TCF4: variants seen among roughly 807,000 people sequenced by gnomAD.
TCF4 encodes transcription factor 4.
In TCF4, 3 loss-of-function variants were observed where a neutral mutation model predicts 82.1. That is an observed-to-expected ratio of 0.04 (90% CI 0.02 to 0.09). TCF4 has a LOEUF of 0.09. Ranked by LOEUF, TCF4 falls within the 10% of genes least tolerant of loss-of-function variation. TCF4 has a pLI of 1.00. For synonymous variants in TCF4, 276 were observed against 309.6 expected, an observed-to-expected ratio of 0.89 and a Z score of 1.14; for missense variants, 518 against 852.7, an observed-to-expected ratio of 0.61 and a Z score of 4.89.
chr18:55,395,926 C>CT (rs759929051), intron 6 of TCF4, among the ~76,000 whole-genome samples: 2 of 151,966 alleles, frequency 1.3e-5, no homozygotes, highest in South Asian at 2.1e-4. Flanking sequence ...TTCATATAAT[C>CT]TTTTTTTCCC....
intron 3 of TCF4, among the ~76,000 whole-genome samples, chr18:55,522,208 T>C (rs2096938803): frequency 6.6e-6 from 1 of 152,206 alleles, no homozygotes; most frequent in Non-Finnish European, 1.5e-5. Flanking sequence ...GCGCCTCCTA[T>C]TGGTAGAGGC....
At chr18:55,367,517 T>C (rs1054829724) in intron 6 of TCF4, among the ~76,000 whole-genome samples, 4 of 152,224 alleles carry the variant, frequency 2.6e-5, no homozygotes, top group Admixed American at 6.5e-5. Flanking sequence ...CAATGCAATG[T>C]AGGAGTGCCT....
At chr18:55,478,507 G>A (rs1190003368) in intron 3 of TCF4, among the ~76,000 whole-genome samples, 1 of 152,108 alleles carries the variant, frequency 6.6e-6, no homozygotes, top group East Asian at 1.9e-4. Flanking sequence ...AAATTGTTCA[G>A]CTACTCAAAA....
In TCF4 at chr18:55,263,146, C is replaced by G. The variant is rs1787801; in HGVS notation, c.923-1613G>C. Among the ~76,000 whole-genome samples, 254 of 152,260 alleles carry G rather than the reference C, an allele frequency of 1.7e-3. 2 individuals are homozygous for G. Among genetic ancestry groups the G allele is most frequent in the African/African-American group, 5.9e-3 (244 of 41,550 alleles). On this transcript the variant is annotated intron_variant, in intron 11 of 19. Transcript: ENST00000354452. The stretch of plus-strand genomic sequence containing the variant: ...TACTTTATTTGGTTTACAAAACCCA[C>G]ACCCATATTTATTTGTTAATTGCTA...
intron 6 of TCF4, chr18:55,401,751 T>C: frequency 1.0e-6 from 1 of 985,954 alleles, no homozygotes; most frequent in Non-Finnish European, 1.2e-6. Flanking sequence ...AGGAAATCTT[T>C]GTGTCTGTGA....
At chr18:55,574,916 G>A (rs2097513765) in intron 3 of TCF4, among the ~76,000 whole-genome samples, 1 of 152,090 alleles carries the variant, frequency 6.6e-6, no homozygotes, top group South Asian at 2.1e-4. Context: ...CACTCACACT[G>A]AAAAAATAAT....
intron 3 of TCF4, among the ~76,000 whole-genome samples, chr18:55,512,215 A>C (rs2096836191): frequency 6.6e-6 from 1 of 152,198 alleles, no homozygotes. Context: ...TTGCAAATGC[A>C]GACAAGTGTT....
intron 3 of TCF4, among the ~76,000 whole-genome samples, chr18:55,474,314 T>C (rs2096246388): frequency 6.6e-6 from 1 of 152,140 alleles, no homozygotes; most frequent in Non-Finnish European, 1.5e-5. Context: ...TGTAAGAGAA[T>C]GAAAGTTTTA....
intron 5 of TCF4, among the ~76,000 whole-genome samples, chr18:55,438,719 G>A (rs1313486226): frequency 6.6e-6 from 1 of 152,174 alleles, no homozygotes; most frequent in African/African-American, 2.4e-5. Flanking sequence ...ACTGTGTACT[G>A]GATGAAAGTT....
chr18:55,510,784 T>C, intron 3 of TCF4: 5 of 1,243,400 alleles, frequency 4.0e-6, no homozygotes, highest in Non-Finnish European at 5.1e-6. Flanking sequence ...ACCGTAGATT[T>C]TAATTTATTT....
Position 55,421,373 on chromosome 18 carries a change from C to T in TCF4, c.305-17855G>A, listed in dbSNP as rs996991504. On this transcript the variant is annotated intron_variant, in intron 5 of 19. Transcript: ENST00000354452. ...GAAAAAAGATTTATTTTAAAATTTT[C>T]GTGAAATAACTGATGATTCTTTCTG... is the stretch of plus-strand genomic sequence containing the variant. Among the ~76,000 whole-genome samples, 12 of 152,174 alleles carry T rather than the reference C, an allele frequency of 7.9e-5. No individual in the cohort carries two copies. In the South Asian group the frequency reaches 8.3e-4, roughly 10 times the overall value.
chr18:55,351,707 C>T (rs1234234865), intron 6 of TCF4: 4 of 379,532 alleles, frequency 1.1e-5, no homozygotes, highest in Non-Finnish European at 1.4e-5. Context: ...TAACCTATCA[C>T]AGTGTGACAA....
chr18:55,353,757 C>T (rs908186363), intron 6 of TCF4, among the ~76,000 whole-genome samples: 4 of 151,934 alleles, frequency 2.6e-5, no homozygotes, highest in Non-Finnish European at 2.9e-5. Context: ...AAGTGAATGG[C>T]GTTTGATTTA....
At chr18:55,584,936 AT>A (rs928905599) in intron 3 of TCF4, among the ~76,000 whole-genome samples, 21 of 152,190 alleles carry the variant, frequency 1.4e-4, no homozygotes, top group Non-Finnish European at 2.1e-4. Context: ...AATGTTAGAG[AT>A]TTTTTCCCCT....
chr18:55,569,778 T>A (rs2097444303), intron 3 of TCF4, among the ~76,000 whole-genome samples: 2 of 152,206 alleles, frequency 1.3e-5, no homozygotes, highest in Middle Eastern at 3.4e-3. Flanking sequence ...CCTAAAACAA[T>A]GGAGATATAA....
upstream of TCF4, among the ~76,000 whole-genome samples, chr18:55,593,579 T>C (rs1040592174): frequency 1.3e-5 from 2 of 152,188 alleles, no homozygotes; most frequent in African/African-American, 4.8e-5. Flanking sequence ...CAAGGTCATG[T>C]CGTTAAGGAG....
intron 5 of TCF4, among the ~76,000 whole-genome samples, chr18:55,427,644 A>G (rs532162069): frequency 1.4e-4 from 21 of 152,330 alleles, no homozygotes; most frequent in Middle Eastern, 3.4e-3. Flanking sequence ...TGAGGAACAA[A>G]TAAGTGAAGA....
rs563996984 is a variant in TCF4, at chr18:55,228,158, T to C, written c.*4+63A>G. ...TCAATTTGGGTGAAATTCACTTTTATGGCTGATACACTGATGAGAGTTTTG... is the reference window on the plus strand; with the variant it reads ...TCAATTTGGGTGAAATTCACTTTTACGGCTGATACACTGATGAGAGTTTTG... On this transcript the variant is annotated intron_variant, in intron 19 of 19. Coordinates refer to ENST00000354452, the MANE Select transcript of TCF4 (RefSeq NM_001083962.2). The C allele has an allele frequency of 1.6e-4, 258 of 1,605,254 alleles. 1 individual carries two copies. Among genetic ancestry groups the C allele is most frequent in the Middle Eastern group, 5.0e-4 (3 of 6,042 alleles).
chr18:55,343,638 A>G (rs558993734), intron 8 of TCF4, among the ~76,000 whole-genome samples: 1 of 152,300 alleles, frequency 6.6e-6, no homozygotes, highest in African/African-American at 2.4e-5. Flanking sequence ...CTTCTGCACT[A>G]CCTTAACTTC....
Sources: gnomAD v4.1 joint callset for allele counts (sites outside exome capture counted in the v4.1 genomes callset) on GRCh38, gnomAD v4.1.1 for gene constraint, MANE v1.5 for transcripts, NCBI Gene and HGNC (gene_info 2026-07-23, HGNC 2026-07-21) for gene names.